BHLHE41: variants seen among roughly 807,000 people sequenced by gnomAD.
BHLHE41 encodes the protein basic helix-loop-helix family member e41.
BHLHE41 carries 14 observed loss-of-function variants against 24.0 expected under a neutral mutation model. That is an observed-to-expected ratio of 0.58 (90% CI 0.39 to 0.91). BHLHE41 has a LOEUF of 0.91. BHLHE41 is among the 40% of genes least tolerant of loss of function. The pLI, the probability that BHLHE41 is intolerant of heterozygous loss-of-function variation, is 0.00. For synonymous variants in BHLHE41, 394 were observed against 315.5 expected (o/e 1.25, Z -2.64); for missense variants, 674 against 655.4 (o/e 1.03, Z -0.31).
At chr12:26,124,611 C>T (rs1192367294) in intron 1 of BHLHE41, 29 bp from the exon 2 acceptor site, 6 of 1,613,716 alleles carry the variant, frequency 3.7e-6, no homozygotes, top group Non-Finnish European at 5.1e-6. Flanking sequence ...CATCAGGCAC[C>T]CATTCGGGGA....
At chr12:26,124,492 T>C (rs1944344962) in intron 2 of BHLHE41, 27 bp downstream of exon 2, 4 of 1,606,742 alleles carry the variant, frequency 2.5e-6, no homozygotes, top group African/African-American at 2.7e-5. Context: ...ATGCAGGTTA[T>C]GAGGAATATC....
chr12:26,123,262 G>T (rs1410562504), intron 4 of BHLHE41, 94 bp from the exon 5 acceptor site: 3 of 1,422,854 alleles, frequency 2.1e-6, no homozygotes, highest in African/African-American at 2.9e-5. Context: ...CGTGGGCCCT[G>T]CATCGACTAA....
chr12:26,121,779 A>G lies in BHLHE41; in HGVS notation c.*287T>C, dbSNP rs1207474999. 3 of 518,012 alleles carry G rather than the reference A, an allele frequency of 5.8e-6. No individual in the cohort carries two copies. Among genetic ancestry groups the G allele is most frequent in the Non-Finnish European group, 6.0e-6 (2 of 333,534 alleles). 32.1% of individuals were successfully genotyped at this position (518,012 alleles called of 1,614,324 possible). A position where few individuals can be genotyped will look rare whatever the true frequency, so the allele number is the denominator to read the frequency against. On this transcript the variant is annotated 3_prime_UTR_variant, in exon 5 of 5. Coordinates refer to ENST00000242728, the MANE Select transcript of BHLHE41 (RefSeq NM_030762.3). The stretch of plus-strand genomic sequence containing the variant: ...GGGGGCAAAATTTATTTGGGGGATT[A>G]AAAAAAAGAGCCAGTGTCTTTCGCA...
chr12:26,121,759 C>CA lies in BHLHE41; in HGVS notation c.*306dup. On this transcript the variant is annotated 3_prime_UTR_variant, in exon 5 of 5. Transcript: ENST00000242728. ...TAATGGAACATGGCCTAAAAGGGGGCAAAATTTATTTGGGGGATTAAAAAA... is the reference window on the plus strand; with the variant it reads ...TAATGGAACATGGCCTAAAAGGGGGCAAAAATTTATTTGGGGGATTAAAAAA... 2.3e-6 allele frequency: 1 copy of CA among 443,808 alleles called. No individual in the cohort carries two copies. The highest frequency in any genetic ancestry group is 2.4e-5 in the South Asian group (1 of 40,854). 27.5% of individuals were successfully genotyped at this position (443,808 alleles called of 1,614,324 possible). A position where few individuals can be genotyped will look rare whatever the true frequency, so the allele number is the denominator to read the frequency against.
rs568906881 is a variant in BHLHE41 at position 26,122,104 on chromosome 12, G to A, written c.1411C>T (p.Gln471Ter). 234 of 1,549,808 alleles carry A rather than the reference G, an allele frequency of 1.5e-4. 2 individuals carry two copies. In the South Asian group the frequency reaches 1.9e-3, roughly 13 times the overall value. ...REPGNPESSA[Q>*]EDPSQPGKEA... ...TTTCCTGGCTGCGAGGGATCTTCCT[G>A]AGCAGAGCTCTCCGGGTTCCCCGGC... Residue 471 changes from glutamine (Q) to a stop codon, truncating the protein, a stop_gained, in exon 5 of 5, where the codon CAG becomes TAG. Transcript: ENST00000242728. LOFTEE classifies it high-confidence loss of function.
At position 26,124,972 on chromosome 12, in the gene BHLHE41, A is replaced by G. The variant is rs1200055865; in HGVS notation, c.-193T>C. The G allele has an allele frequency of 4.5e-6, 3 of 661,582 alleles. No homozygotes were observed. The highest frequency in any genetic ancestry group is 8.2e-6 in the Non-Finnish European group (3 of 364,910). 41.0% of individuals were successfully genotyped at this position (661,582 alleles called of 1,614,324 possible). Reference sequence around the variant, plus strand: ...CCACCGCGCTCGCACACACACACGCACACACACGCACACTCGCGCCGGCCC... The same window carrying G: ...CCACCGCGCTCGCACACACACACGCGCACACACGCACACTCGCGCCGGCCC... On this transcript the variant is annotated 5_prime_UTR_variant, in exon 1 of 5. Coordinates refer to ENST00000242728, the MANE Select transcript of BHLHE41 (RefSeq NM_030762.3).
Position 26,122,194 on chromosome 12 carries a change from G to T in BHLHE41, c.1321C>A (p.Leu441Ile). The T allele has an allele frequency of 6.9e-7, 1 of 1,444,138 alleles. No homozygotes were observed. The highest frequency in any genetic ancestry group is 9.1e-7 in the Non-Finnish European group (1 of 1,101,358). The allele number at this position is 1,444,138 out of a possible 1,614,324, so 89.5% of individuals were successfully genotyped here. A position where few individuals can be genotyped will look rare whatever the true frequency, so the allele number is the denominator to read the frequency against. The part of the protein sequence containing the change: ...ATLLPHEVAP[L>I]GAPHPQHPHG... ...GGGTGCTGGGGGTGCGGCGCCCCAA[G>T]GGGCGCCACCTCGTGCGGCAGGAGG... is the stretch of plus-strand genomic sequence containing the variant. Residue 441 changes from leucine (L) to isoleucine (I), a missense_variant, in exon 5 of 5, where the codon CTT becomes ATT. Around this residue, in one of 3 missense-constraint regions of BHLHE41, gnomAD observed 602 missense variants for 570.8 expected, o/e 1.05. Coordinates refer to ENST00000242728, the MANE Select transcript of BHLHE41 (RefSeq NM_030762.3).
rs900758503 is a variant in BHLHE41 at position 26,122,373 on chromosome 12, G to C, written c.1142C>G (p.Ala381Gly). The C allele has an allele frequency of 2.5e-6, 3 of 1,198,632 alleles. No homozygotes were observed. Among genetic ancestry groups the C allele is most frequent in the South Asian group, 3.7e-5 (1 of 27,382 alleles). 74.2% of individuals were successfully genotyped at this position (1,198,632 alleles called of 1,614,324 possible). A position where few individuals can be genotyped will look rare whatever the true frequency, so the allele number is the denominator to read the frequency against. ...GLEKYLYPAAAAAPFPLLYPG... is the reference protein window; with the variant it reads ...GLEKYLYPAAGAAPFPLLYPG... ...GTATAGCAGCGGGAACGGGGCGGCA[G>C]CCGCCGCCGGGTACAGATACTTCTC... Residue 381 changes from alanine to glycine, a missense_variant, in exon 5 of 5, where the codon GCT becomes GGT. This residue lies in a region of BHLHE41 where 602 missense variants were observed against 570.8 expected (regional missense o/e 1.05). Coordinates refer to ENST00000242728, the MANE Select transcript of BHLHE41 (RefSeq NM_030762.3).
intron 2 of BHLHE41, 74 bp from the exon 3 acceptor site, chr12:26,124,253 G>GGGGGGGGGGGGGGCC: frequency 1.3e-6 from 1 of 785,896 alleles, no homozygotes; most frequent in Non-Finnish European, 2.1e-6. Context: ...ACCCTCGTCT[G>GGGGGGGGGGGGGGCC]CCCCCCCCGC....
At chr12:26,123,862 A>C in intron 3 of BHLHE41, 121 bp from the exon 4 acceptor site, 1 of 809,222 alleles carries the variant, frequency 1.2e-6, no homozygotes, top group Non-Finnish European at 2.2e-6. Context: ...CTGTTCTTTT[A>C]CTTCTTGAGC....
rs1179471065 is a variant in BHLHE41, at chr12:26,123,150, G to C, written c.365C>G (p.Ser122Trp). 1 of 1,596,916 alleles carries C rather than the reference G, an allele frequency of 6.3e-7. No homozygotes were observed. The highest frequency in any genetic ancestry group is 1.7e-5 in the Admixed American group (1 of 59,272). Residue 122 changes from serine (S) to tryptophan (W), a missense_variant, in exon 5 of 5, where the codon TCG (serine) becomes TGG (tryptophan). Coordinates refer to ENST00000242728, the MANE Select transcript of BHLHE41 (RefSeq NM_030762.3). ...ALQNGERSLK[S>W]PIQSDLDAFH... is the part of the protein sequence containing the mutation. ...CGCATCCAAGTCGGACTGAATGGGC[G>C]ATTTCAGAGATCGCTCCCCTAGGAT...
At chr12:26,124,689 A>T in intron 1 of BHLHE41, 29 bp downstream of exon 1, 1 of 1,613,854 alleles carries the variant, frequency 6.2e-7, no homozygotes, top group Admixed American at 1.7e-5. Flanking sequence ...AAGCCTAGAC[A>T]GATATTCGCA....
Position 26,124,848 on chromosome 12 carries a change from G to A in BHLHE41, c.-69C>T. The A allele has an allele frequency of 6.7e-7, 1 of 1,495,844 alleles. No homozygotes were observed. Among genetic ancestry groups the A allele is most frequent in the South Asian group, 1.1e-5 (1 of 88,726 alleles). 92.7% of individuals were successfully genotyped at this position (1,495,844 alleles called of 1,614,324 possible). ...TGTACAATAATCTGTGGGACGGTAG[G>A]CTTGGGAGACCTTGGGGGGATCTGT... On this transcript the variant is annotated 5_prime_UTR_variant, in exon 1 of 5. Coordinates refer to ENST00000242728, the MANE Select transcript of BHLHE41 (RefSeq NM_030762.3).
Position 26,122,512 on chromosome 12 carries a change from C to T in BHLHE41, c.1003G>A (p.Ala335Thr). 7.7e-7 allele frequency: 1 copy of T among 1,291,704 alleles called. No individual in the cohort carries two copies. The highest frequency in any genetic ancestry group is 9.9e-7 in the Non-Finnish European group (1 of 1,009,426). 80.0% of individuals were successfully genotyped at this position (1,291,704 alleles called of 1,614,324 possible). The change falls in exon 5 of 5, where the codon GCG (alanine) becomes ACG (threonine). Residue 335 changes from alanine (A) to threonine (T), a missense_variant. Coordinates refer to ENST00000242728, the MANE Select transcript of BHLHE41 (RefSeq NM_030762.3). ...SLVAFGGGGG[A>T]PFPQPAAAAA... ...GCGGCCGCGGGCTGCGGGAAGGGCG[C>T]GCCTCCGCCTCCGCCGAACGCCACC...
intron 2 of BHLHE41, 74 bp from the exon 3 acceptor site, chr12:26,124,253 G>GGGGGGGGCGC: frequency 1.3e-6 from 1 of 785,906 alleles, no homozygotes; most frequent in Non-Finnish European, 2.1e-6. Flanking sequence ...ACCCTCGTCT[G>GGGGGGGGCGC]CCCCCCCCGC....
chr12:26,124,709 G>A lies in BHLHE41; in HGVS notation c.62+9C>T, dbSNP rs1313733621. On this transcript the variant is annotated intron_variant, in intron 1 of 4. Transcript: ENST00000242728. Reference sequence around the variant, plus strand: ...TAGACAGATATTCGCAAGGGTGCGTGCACCTTACCCTATAAAATCTCTATG... The same window carrying A: ...TAGACAGATATTCGCAAGGGTGCGTACACCTTACCCTATAAAATCTCTATG... 1 of 1,613,584 alleles carries A rather than the reference G, an allele frequency of 6.2e-7. No homozygotes were observed.
rs777821901 is a variant in BHLHE41 at position 26,122,753 on chromosome 12, T to C, written c.762A>G (p.Lys254=). 2.9e-5 allele frequency: 46 copies of C among 1,596,724 alleles called. No homozygotes were observed. The highest frequency in any genetic ancestry group is 3.7e-5 in the Non-Finnish European group (44 of 1,176,514). The change falls in exon 5 of 5, where the codon AAA becomes AAG. Residue 254 remains lysine (K), a synonymous_variant. Transcript: ENST00000242728. ...GEAEARPDRE[K]GKGAGASRVT... ...CGCGGCTCGCCCCCGCGCCTTTGCC[T>C]TTCTCGCGGTCCGGCCGGGCCTCGG...
In BHLHE41 at chr12:26,122,517, C is replaced by A. The variant is rs992455093; in HGVS notation, c.998G>T (p.Gly333Val). 1 of 1,288,420 alleles carries A rather than the reference C, an allele frequency of 7.8e-7. No homozygotes were observed. Among genetic ancestry groups the A allele is most frequent in the Middle Eastern group, 3.0e-4 (1 of 3,310 alleles). 79.8% of individuals were successfully genotyped at this position (1,288,420 alleles called of 1,614,324 possible). ...CGCGGGCTGCGGGAAGGGCGCGCCT[C>A]CGCCTCCGCCGAACGCCACCAGCGA... ...LSSLVAFGGG[G>V]GAPFPQPAAA... The change falls in exon 5 of 5, where the codon GGA becomes GTA. Residue 333 changes from glycine to valine, a missense_variant. Physicochemically the swap from Gly to Val is moderately radical, Grantham distance 109. Coordinates refer to ENST00000242728, the MANE Select transcript of BHLHE41 (RefSeq NM_030762.3).
Position 26,123,101 on chromosome 12 carries a change from G to C in BHLHE41, c.414C>G (p.Cys138Trp), listed in dbSNP as rs1405607875. ...LDAFHSGFQT[C>W]AKEVLQYLSR... ...AGAGGTATTGCAAGACTTCTTTGGC[G>C]CATGTTTGAAATCCCGAGTGGAACG... Residue 138 changes from cysteine (C) to tryptophan (W), a missense_variant, in exon 5 of 5, where the codon TGC becomes TGG. Cys to Trp is a radical substitution (Grantham distance 215, BLOSUM62 -2). Transcript: ENST00000242728. 2 of 1,608,196 alleles carry C rather than the reference G, an allele frequency of 1.2e-6. No homozygotes were observed. Among genetic ancestry groups the C allele is most frequent in the African/African-American group, 1.3e-5 (1 of 74,976 alleles).
Sources: gnomAD v4.1 joint callset for allele counts on GRCh38, gnomAD v4.1.1 for gene constraint, gnomAD v4.1.1 regional missense constraint, MANE v1.5 for transcripts, NCBI Gene and HGNC (gene_info 2026-07-23, HGNC 2026-07-21) for gene names.